PCDHGB5: variants seen among roughly 807,000 people sequenced by gnomAD.
The protein encoded by PCDHGB5 is protocadherin gamma subfamily B, 5, also known as protocadherin gamma-B5.
PCDHGB5 carries 48 observed loss-of-function variants against 62.9 expected under a neutral mutation model. The ratio of observed to expected loss-of-function variants is 0.76; its 90% CI spans 0.61 to 0.97. The LOEUF (loss-of-function observed/expected upper bound fraction) is 0.97. PCDHGB5 is among the 50% of genes least tolerant of loss of function. The pLI, the probability that PCDHGB5 is intolerant of heterozygous loss-of-function variation, is 0.00. For missense variants in PCDHGB5, 1,118 were observed against 1,198.6 expected (o/e 0.93, Z 0.99); for synonymous variants, 474 against 511.2 (o/e 0.93, Z 0.98).
chr5:141,411,921 T>C (rs1426892834), intron 1 of PCDHGB5: 1 of 152,234 alleles, frequency 6.6e-6, no homozygotes, highest in Non-Finnish European at 1.5e-5. Context: ...TCAGTCTCTG[T>C]CTCTGATTCT....
At chr5:141,484,989 T>C (rs1295192640) in intron 1 of PCDHGB5, 4 of 604,024 alleles carry the variant, frequency 6.6e-6, no homozygotes, top group Non-Finnish European at 1.2e-5. Context: ...AATCGGGTGG[T>C]GAAAGGCAGA....
chr5:141,494,762 A>G (rs770570158), intron 1 of PCDHGB5, 45 bp from the exon 2 acceptor site: 1 of 1,613,200 alleles, frequency 6.2e-7, no homozygotes, highest in South Asian at 1.1e-5. Flanking sequence ...TGACATTCTA[A>G]CTTCTCACGG....
chr5:141,422,907 G>C (rs1330364637), intron 1 of PCDHGB5: 4 of 1,614,078 alleles, frequency 2.5e-6, no homozygotes, highest in Non-Finnish European at 3.4e-6. Flanking sequence ...ACGACAATGC[G>C]CCCGAGATCC....
intron 1 of PCDHGB5, chr5:141,414,713 C>T: frequency 6.2e-7 from 1 of 1,614,126 alleles, no homozygotes; most frequent in Admixed American, 1.7e-5. Context: ...TCCATCAACT[C>T]AGACACTGGC....
chr5:141,450,887 C>A (rs531604055), intron 1 of PCDHGB5, among the ~76,000 whole-genome samples: 1 of 148,582 alleles, frequency 6.7e-6, no homozygotes, highest in East Asian at 2.0e-4. Flanking sequence ...TGCAGTGGTG[C>A]GATATCGGCT....
intron 1 of PCDHGB5, among the ~76,000 whole-genome samples, chr5:141,462,363 G>C (rs1425898350): frequency 6.6e-6 from 1 of 152,132 alleles, no homozygotes; most frequent in Non-Finnish European, 1.5e-5. Context: ...ACATTGTATA[G>C]TTTCTATTCT....
chr5:141,403,517 G>A, intron 1 of PCDHGB5: 1 of 1,614,030 alleles, frequency 6.2e-7, no homozygotes, highest in Non-Finnish European at 8.5e-7. Context: ...AGACAATGGA[G>A]CCATAAACCC....
intron 1 of PCDHGB5, chr5:141,419,253 A>C (rs1590154657): frequency 6.2e-7 from 1 of 1,613,990 alleles, no homozygotes; most frequent in South Asian, 1.1e-5. Context: ...CCAGAAAACA[A>C]CCAGCCGGGT....
At chr5:141,500,930 G>A (rs1300719832) in intron 2 of PCDHGB5, among the ~76,000 whole-genome samples, 4 of 151,824 alleles carry the variant, frequency 2.6e-5, no homozygotes, top group Admixed American at 6.6e-5. Context: ...GTGCAGTGGC[G>A]CCATCTCGGC....
chr5:141,400,300 C>T lies in PCDHGB5; in HGVS notation c.2173C>T (p.Pro725Ser). 6.2e-7 allele frequency: 1 copy of T among 1,614,084 alleles called. No individual in the cohort carries two copies. Among genetic ancestry groups the T allele is most frequent in the Non-Finnish European group, 8.5e-7 (1 of 1,179,908 alleles). Residue 725 changes from proline (P) to serine (S), a missense_variant, in exon 1 of 4, where the codon CCT becomes TCT. Physicochemically the swap from Pro to Ser is moderately conservative, Grantham distance 74. Transcript: ENST00000617380. ...SSPAAWSCFQ[P>S]GLCVKSGPVV... ...CCCTGCCGCCTGGAGCTGCTTCCAA[C>T]CTGGTCTCTGTGTCAAGTCTGGACC... is the stretch of plus-strand genomic sequence containing the variant.
intron 1 of PCDHGB5, among the ~76,000 whole-genome samples, chr5:141,452,868 C>T (rs1339532803): frequency 6.6e-6 from 1 of 152,170 alleles, no homozygotes; most frequent in Non-Finnish European, 1.5e-5. Flanking sequence ...TTTTCTAACT[C>T]CATTTGTAAT....
At position 141,489,097 on chromosome 5, in the gene PCDHGB5, C is replaced by A; in HGVS notation, c.2398-5710C>A. ...ACCCCCGCCACTCGGTGACTAAGAA[C>A]TGCTGCAAGCAGGCAAACCTCCGAG... On this transcript the variant is annotated intron_variant, in intron 1 of 3. Transcript: ENST00000617380. This position sits in a 1 kb window ranked among gnomAD's most constrained non-coding sequence, Gnocchi z 4.5. The A allele has an allele frequency of 2.6e-5, 8 of 313,358 alleles. No homozygotes were observed. Among genetic ancestry groups the A allele is most frequent in the Non-Finnish European group, 3.5e-5 (6 of 172,456 alleles). The allele number at this position is 313,358 out of a possible 1,614,324, so 19.4% of individuals were successfully genotyped here. A position where few individuals can be genotyped will look rare whatever the true frequency, so the allele number is the denominator to read the frequency against.
chr5:141,422,549 TGAA>T (rs1554114956), intron 1 of PCDHGB5: 8 of 1,614,026 alleles, frequency 5.0e-6, no homozygotes, highest in Non-Finnish European at 6.8e-6. Flanking sequence ...CATGTCTGGC[TGAA>T]TGTGGCAGAT....
At chr5:141,422,498 C>T (rs1482415670) in intron 1 of PCDHGB5, 1 of 1,613,964 alleles carries the variant, frequency 6.2e-7, no homozygotes, top group Admixed American at 1.7e-5. Flanking sequence ...ATAACGTTGA[C>T]AGCCACAGAC....
rs1334123861 is a variant in PCDHGB5, at chr5:141,414,743, C to G, written c.2397+14219C>G. On this transcript the variant is annotated intron_variant, in intron 1 of 3. Coordinates refer to ENST00000617380, the MANE Select transcript of PCDHGB5 (RefSeq NM_018925.3). ...ACTGGCGTCCTGTATGCACTCAGAT[C>G]CTTCGACTATGAGCAGTTTCATGAG... 1.9e-6 allele frequency: 3 copies of G among 1,614,216 alleles called. No homozygotes were observed. In the East Asian group the frequency reaches 6.7e-5, roughly 36 times the overall value.
At chr5:141,404,841 G>C (rs765291212) in intron 1 of PCDHGB5, 4 of 1,613,886 alleles carry the variant, frequency 2.5e-6, no homozygotes, top group African/African-American at 1.3e-5. Context: ...CGCACAGCTC[G>C]GGCCCTGCTA....
Position 141,420,255 on chromosome 5 carries a change from A to T in PCDHGB5, c.2397+19731A>T, listed in dbSNP as rs917458059. The T allele has an allele frequency of 2.5e-6, 4 of 1,569,630 alleles. No homozygotes were observed. The highest frequency in any genetic ancestry group is 1.4e-5 in the African/African-American group (1 of 73,152). On this transcript the variant is annotated intron_variant, in intron 1 of 3. Coordinates refer to ENST00000617380, the MANE Select transcript of PCDHGB5 (RefSeq NM_018925.3). ...ATTTTAACTCCCAGCGTTGAAGCAG[A>T]TAAGAAGATTCTTAAACAGGTAAGT...
chr5:141,415,594 G>A (rs753362668), intron 1 of PCDHGB5: 1 of 1,613,866 alleles, frequency 6.2e-7, no homozygotes, highest in Non-Finnish European at 8.5e-7. Context: ...TCCTATAGAG[G>A]ATACCCCATT....
chr5:141,509,819 C>T (rs1008625658), intron 3 of PCDHGB5, among the ~76,000 whole-genome samples: 3 of 152,154 alleles, frequency 2.0e-5, no homozygotes, highest in African/African-American at 7.2e-5. Context: ...AGCTCTTCTC[C>T]ATCTTCTCTC....
Sources: gnomAD v4.1 joint callset for allele counts (sites outside exome capture counted in the v4.1 genomes callset) on GRCh38, gnomAD v4.1.1 for gene constraint, Gnocchi (gnomAD v3.1) non-coding constraint, MANE v1.5 for transcripts, NCBI Gene and HGNC (gene_info 2026-07-23, HGNC 2026-07-21) for gene names.